The following RBM45 variants were observed in gnomAD, a reference collection of about 807,000 sequenced individuals.
RBM45 encodes RNA binding motif protein 45, also known as RNA-binding protein 45.
A neutral mutation model predicts 58.5 loss-of-function variants in RBM45; 39 were observed. The ratio of observed to expected loss-of-function variants is 0.67; its 90% CI spans 0.52 to 0.87. RBM45 has a LOEUF of 0.87. Ranked by LOEUF, RBM45 falls within the 40% of genes least tolerant of loss-of-function variation. The probability of loss-of-function intolerance (pLI) is 0.00; values close to 1 mark genes in which losing one functional copy is unlikely to be tolerated. For synonymous variants in RBM45, 193 were observed against 203.0 expected, an observed-to-expected ratio of 0.95 and a Z score of 0.42; for missense variants, 481 against 581.6, an observed-to-expected ratio of 0.83 and a Z score of 1.78.
At chr2:178,124,032 C>T in intron 7 of RBM45, 95 bp from the exon 8 acceptor site, 2 of 1,471,178 alleles carry the variant, frequency 1.4e-6, no homozygotes, top group Non-Finnish European at 1.9e-6. Context: ...TGTGGAAGAC[C>T]ACATAGATGC....
chr2:178,120,222 A>C lies in RBM45; in HGVS notation c.551-65A>C, dbSNP rs994358308. ...TTATAAAGCTGAGTCAGGCACTAGC[A>C]ATCAAGTATATTTGCAGGTATGTTA... On this transcript the variant is annotated intron_variant, in intron 3 of 9. Coordinates refer to ENST00000286070, the MANE Select transcript of RBM45 (RefSeq NM_152945.4). 9 of 1,598,416 alleles carry C rather than the reference A, an allele frequency of 5.6e-6. No individual in the cohort carries two copies. In the African/African-American group the frequency reaches 6.7e-5, roughly 12 times the overall value.
exon 4 of RBM45, chr2:178,138,354 G>A (rs574595067): frequency 9.2e-5 from 14 of 152,260 alleles, no homozygotes; most frequent in Admixed American, 2.0e-4. Context: ...AAAAGGTGCA[G>A]ATCAAAAAGG....
At chr2:178,124,314 A>G in intron 8 of RBM45, 24 bp downstream of exon 8, 5 of 1,419,980 alleles carry the variant, frequency 3.5e-6, no homozygotes, top group Non-Finnish European at 3.8e-6. Context: ...ATTTTTTGTT[A>G]TATTTTATTT....
At chr2:178,120,952 A>G in intron 4 of RBM45, 1 of 354,912 alleles carries the variant, frequency 2.8e-6, no homozygotes, top group Non-Finnish European at 5.0e-6. Flanking sequence ...TTTCTGTGAA[A>G]TTAGACTATG....
At position 178,120,551 on chromosome 2, in the gene RBM45, A is replaced by G; in HGVS notation, c.673+142A>G. On this transcript the variant is annotated intron_variant, in intron 4 of 9. Coordinates refer to ENST00000286070, the MANE Select transcript of RBM45 (RefSeq NM_152945.4). Reference sequence around the variant, plus strand: ...TAAATGTAGTTTTTTTATTCCTAAAATGTGGATTATGACTCCTAAAGTTCT... The same window carrying G: ...TAAATGTAGTTTTTTTATTCCTAAAGTGTGGATTATGACTCCTAAAGTTCT... The G allele has an allele frequency of 7.4e-6, 5 of 672,854 alleles. No homozygotes were observed. In the South Asian group the frequency reaches 1.3e-4, roughly 18 times the overall value. The allele number at this position is 672,854 out of a possible 1,614,324, so 41.7% of individuals were successfully genotyped here. A position where few individuals can be genotyped will look rare whatever the true frequency, so the allele number is the denominator to read the frequency against.
chr2:178,117,588 G>A (rs2087793442), intron 2 of RBM45, among the ~76,000 whole-genome samples: 1 of 152,176 alleles, frequency 6.6e-6, no homozygotes. Context: ...TGTTCTTTGA[G>A]TATGTTCCAA....
chr2:178,131,974 C>T (rs1177502912), downstream of RBM45, among the ~76,000 whole-genome samples: 2 of 152,120 alleles, frequency 1.3e-5, no homozygotes, highest in African/African-American at 4.8e-5. Flanking sequence ...AGTATAAGAA[C>T]ATAATATATA....
intron 5 of RBM45, 133 bp from the exon 6 acceptor site, chr2:178,123,389 A>G (rs951449569): frequency 4.8e-6 from 4 of 831,468 alleles, no homozygotes; most frequent in Non-Finnish European, 7.1e-6. Context: ...GTTTTCTGAT[A>G]CATTCGATTC....
chr2:178,121,257 G>A lies in RBM45; in HGVS notation c.751G>A (p.Val251Ile). ...AGCAATCTCCAAACGCTTGTCAGTT[G>A]TATCAAGAGTTCCTTTCACTGAAGA... is the stretch of plus-strand genomic sequence containing the variant. ...QEAISKRLSV[V>I]SRVPFTEEQL... Residue 251 changes from valine (V) to isoleucine (I), a missense_variant, in exon 5 of 10, where the codon GTA becomes ATA. Coordinates refer to ENST00000286070, the MANE Select transcript of RBM45 (RefSeq NM_152945.4). 6.3e-7 allele frequency: 1 copy of A among 1,595,056 alleles called. No homozygotes were observed. The highest frequency in any genetic ancestry group is 8.6e-7 in the Non-Finnish European group (1 of 1,167,486).
chr2:178,125,773 G>A (rs1372925580), intron 8 of RBM45: 5 of 693,606 alleles, frequency 7.2e-6, no homozygotes, highest in Non-Finnish European at 1.4e-5. Context: ...AGTGAAAAAG[G>A]AGTTAGATTA....
chr2:178,119,804 A>C (rs1331444947), intron 3 of RBM45, among the ~76,000 whole-genome samples: 1 of 152,216 alleles, frequency 6.6e-6, no homozygotes, highest in African/African-American at 2.4e-5. Flanking sequence ...CCTAGTTAAG[A>C]ACCCTTGATC....
At position 178,118,131 on chromosome 2, in the gene RBM45, G is replaced by A. The variant is rs144910525; in HGVS notation, c.500G>A (p.Arg167Gln). The change falls in exon 3 of 10, where the codon CGA becomes CAA. Residue 167 changes from arginine (R) to glutamine (Q), a missense_variant. Physicochemically the swap from Arg to Gln is conservative, Grantham distance 43 (BLOSUM62 1). Transcript: ENST00000286070. Reference sequence around the variant, plus strand: ...GAAAGTAAAGGTTTGGGCTACGTACGATACTTAAAACCATCACAAGCTGCC... The same window carrying A: ...GAAAGTAAAGGTTTGGGCTACGTACAATACTTAAAACCATCACAAGCTGCC... Reference protein sequence around the residue: ...TGESKGLGYVRYLKPSQAAQA... With the variant: ...TGESKGLGYVQYLKPSQAAQA... 39 of 1,612,794 alleles carry A rather than the reference G, an allele frequency of 2.4e-5. No homozygotes were observed. In the African/African-American group the frequency reaches 3.2e-4, roughly 13 times the overall value.
intron 8 of RBM45, among the ~76,000 whole-genome samples, chr2:178,125,421 A>G (rs1262081847): frequency 2.0e-5 from 3 of 152,212 alleles, no homozygotes; most frequent in African/African-American, 7.2e-5. Context: ...GAAGCCTTGA[A>G]AGAAGGAAGG....
At chr2:178,131,339 T>C (rs1279495534), downstream of RBM45, among the ~76,000 whole-genome samples, 3 of 152,248 alleles carry the variant, frequency 2.0e-5, no homozygotes, top group African/African-American at 7.2e-5. Flanking sequence ...GTAACAGTTA[T>C]AGAAAGGAGC....
downstream of RBM45, among the ~76,000 whole-genome samples, chr2:178,131,017 G>A (rs2088000291): frequency 6.6e-6 from 1 of 152,236 alleles, no homozygotes; most frequent in Non-Finnish European, 1.5e-5. Flanking sequence ...TGAGGCGGTA[G>A]GAGTGCCAGA....
chr2:178,132,198 C>T (rs985459129), downstream of RBM45, among the ~76,000 whole-genome samples: 24 of 152,298 alleles, frequency 1.6e-4, no homozygotes, highest in African/African-American at 5.8e-4. Flanking sequence ...TGGTAGATTA[C>T]TGAAAGCAAC....
At chr2:178,122,458 C>T (rs1329064582) in intron 5 of RBM45, among the ~76,000 whole-genome samples, 1 of 152,164 alleles carries the variant, frequency 6.6e-6, no homozygotes, top group African/African-American at 2.4e-5. Flanking sequence ...CAGCACTAGT[C>T]TTTTTGTAGA....
intron 2 of RBM45, 102 bp downstream of exon 2, chr2:178,116,486 G>A (rs1223522679): frequency 1.1e-6 from 1 of 930,790 alleles, no homozygotes; most frequent in East Asian, 2.9e-5. Flanking sequence ...CAATAGAGTA[G>A]TCTTGGGGAA....
At chr2:178,128,655 T>G (rs912009220) in intron 9 of RBM45, among the ~76,000 whole-genome samples, 1 of 152,206 alleles carries the variant, frequency 6.6e-6, no homozygotes, top group Admixed American at 6.5e-5. Context: ...TTTGAACTGT[T>G]ACGCATATTC....
Sources: allele counts gnomAD v4.1 joint callset (sites outside exome capture counted in the v4.1 genomes callset), GRCh38; gene constraint gnomAD v4.1.1; transcripts MANE v1.5; gene names NCBI Gene and HGNC (gene_info 2026-07-23, HGNC 2026-07-21).